NLRP5: variants seen among roughly 807,000 people sequenced by gnomAD.
NLRP5 encodes NLR family pyrin domain containing 5, also known as NACHT, LRR and PYD domains-containing protein 5.
Under a neutral mutation model 113.1 loss-of-function variants are expected in NLRP5, and 93 were observed. The observed-to-expected ratio is 0.82, with a 90% CI of 0.70 to 0.98. The LOEUF is 0.98. Among genes scored for constraint, NLRP5 ranks in the 50% least tolerant of loss-of-function variants. The pLI is 0.00. For missense variants in NLRP5, 1,808 were observed against 1,514.3 expected (o/e 1.19, Z -3.22); for synonymous variants, 751 against 600.7 (o/e 1.25, Z -3.66).
chr19:56,010,502 T>A (rs537173972), intron 3 of NLRP5, among the ~76,000 whole-genome samples: 1 of 151,922 alleles, frequency 6.6e-6, no homozygotes, highest in South Asian at 2.1e-4. Flanking sequence ...CCCAGCACTT[T>A]GGGAGGCCGA....
intron 9 of NLRP5, among the ~76,000 whole-genome samples, chr19:56,035,452 A>G (rs1302041033): frequency 6.6e-6 from 1 of 152,202 alleles, no homozygotes; most frequent in Non-Finnish European, 1.5e-5. Flanking sequence ...AGATGGAGGA[A>G]GCTGCATGCT....
chr19:56,036,371 TTC>T (rs1983317387), intron 9 of NLRP5, among the ~76,000 whole-genome samples: 1 of 151,924 alleles, frequency 6.6e-6, no homozygotes, highest in Admixed American at 6.6e-5. Context: ...CTGGCTGAGA[TTC>T]TTTCATTCAA....
upstream of NLRP5, among the ~76,000 whole-genome samples, chr19:55,997,572 C>T (rs566733383): frequency 4.6e-5 from 7 of 152,260 alleles, no homozygotes; most frequent in Admixed American, 3.9e-4. Context: ...TGGCTCATAC[C>T]TGTAATCCCA....
chr19:56,010,732 A>C lies in NLRP5; in HGVS notation c.508+1879A>C, dbSNP rs1236231944. Reference sequence around the variant, plus strand: ...ACTCCAGCCTGGGAAACAAGAGCTTAACTCTGTCTCAAAAAAAAAAAAAGT... The same window carrying C: ...ACTCCAGCCTGGGAAACAAGAGCTTCACTCTGTCTCAAAAAAAAAAAAAGT... On this transcript the variant is annotated intron_variant, in intron 3 of 14. Transcript: ENST00000390649. 2.2e-5 allele frequency among the ~76,000 whole-genome samples: 3 copies of C among 134,690 alleles called. 1 individual carries two copies. Among genetic ancestry groups the C allele is most frequent in the African/African-American group, 8.2e-5 (3 of 36,456 alleles). The allele number at this position is 134,690 out of a possible 152,430, so 88.4% of individuals were successfully genotyped here.
At position 56,009,404 on chromosome 19, in the gene NLRP5, A is replaced by G. The variant is rs371672897; in HGVS notation, c.508+551A>G. Among the ~76,000 whole-genome samples, 5 of 149,626 alleles carry G rather than the reference A, an allele frequency of 3.3e-5. 1 individual carries two copies. In the East Asian group the frequency reaches 5.9e-4, roughly 18 times the overall value. On this transcript the variant is annotated intron_variant, in intron 3 of 14. Coordinates refer to ENST00000390649, the MANE Select transcript of NLRP5 (RefSeq NM_153447.4). ...CTTTCTTACAACTTGAGGACTTCCC[A>G]TCGTCTTCAGTTTGGGTAACCTTAT...
rs770624516 is a variant in NLRP5 at position 56,030,714 on chromosome 19, C to CTTTTTTTTTTTTTT, written c.2277-1892_2277-1879dup. Among the ~76,000 whole-genome samples, 367 of 71,300 alleles carry CTTTTTTTTTTTTTT rather than the reference C, an allele frequency of 5.1e-3. 65 individuals carry two copies. The highest frequency in any genetic ancestry group is 0.013 in the African/African-American group (188 of 13,952). 46.8% of individuals were successfully genotyped at this position (71,300 alleles called of 152,430 possible). A position where few individuals can be genotyped will look rare whatever the true frequency, so the allele number is the denominator to read the frequency against. Reference sequence around the variant, plus strand: ...ACTTACATTCATTCGCTTTCTTCTTCTTTTTTTTTTTTTTTTTTGAGACGG... The same window carrying CTTTTTTTTTTTTTT: ...ACTTACATTCATTCGCTTTCTTCTTCTTTTTTTTTTTTTTTTTTTTTTTTTTTTTTTTGAGACGG... On this transcript the variant is annotated intron_variant, in intron 7 of 14. Transcript: ENST00000390649.
Position 56,030,714 on chromosome 19 carries a change from C to CTTTTTTTT in NLRP5, c.2277-1886_2277-1879dup, listed in dbSNP as rs770624516. Among the ~76,000 whole-genome samples, 284 of 71,282 alleles carry CTTTTTTTT rather than the reference C, an allele frequency of 4.0e-3. 35 individuals carry two copies. Among genetic ancestry groups the CTTTTTTTT allele is most frequent in the African/African-American group, 6.5e-3 (90 of 13,934 alleles). The allele number at this position is 71,282 out of a possible 152,430, so 46.8% of individuals were successfully genotyped here. ...ACTTACATTCATTCGCTTTCTTCTT[C>CTTTTTTTT]TTTTTTTTTTTTTTTTTTGAGACGG... On this transcript the variant is annotated intron_variant, in intron 7 of 14. Coordinates refer to ENST00000390649, the MANE Select transcript of NLRP5 (RefSeq NM_153447.4).
chr19:56,038,668 C>T (rs1983408083), intron 10 of NLRP5, among the ~76,000 whole-genome samples: 1 of 152,116 alleles, frequency 6.6e-6, no homozygotes, highest in African/African-American at 2.4e-5. Context: ...GGAGGAGGGT[C>T]ACCCAAAATC....
chr19:56,033,754 C>G, intron 9 of NLRP5, 45 bp downstream of exon 9: 1 of 1,521,848 alleles, frequency 6.6e-7, no homozygotes, highest in Non-Finnish European at 8.9e-7. Context: ...TTCGTTTTTA[C>G]TTGTGTTTGA....
At chr19:56,003,013 G>A (rs187761991) in intron 1 of NLRP5, among the ~76,000 whole-genome samples, 66 of 150,204 alleles carry the variant, frequency 4.4e-4, no homozygotes, top group Non-Finnish European at 7.8e-4. Flanking sequence ...TGGTGGGACC[G>A]TAAACTAGTT....
intron 12 of NLRP5, 41 bp downstream of exon 12, chr19:56,050,629 G>A (rs368899205): frequency 1.9e-6 from 3 of 1,575,766 alleles, no homozygotes; most frequent in Non-Finnish European, 2.6e-6. Flanking sequence ...TATCATACTG[G>A]GGTCTGGAGT....
intron 3 of NLRP5, among the ~76,000 whole-genome samples, chr19:56,010,583 A>G (rs1982142868): frequency 7.6e-6 from 1 of 131,790 alleles, no homozygotes; most frequent in African/African-American, 2.8e-5. Context: ...CATGTCTACT[A>G]AAAATACAGG....
chr19:55,990,042 C>T, the NLRP5 span, among the ~76,000 whole-genome samples: 1 of 141,402 alleles, frequency 7.1e-6, no homozygotes, highest in Non-Finnish European at 1.6e-5. Flanking sequence ...TTTTAAAGTA[C>T]ATTTAAAAGT....
intron 3 of NLRP5, among the ~76,000 whole-genome samples, chr19:56,014,402 C>T (rs1178887243): frequency 6.6e-6 from 1 of 151,398 alleles, no homozygotes; most frequent in Non-Finnish European, 1.5e-5. Context: ...ATCGCTTGAA[C>T]CCAGGAGGTG....
chr19:56,033,000 C>T (rs1983181497), intron 8 of NLRP5, among the ~76,000 whole-genome samples: 1 of 152,050 alleles, frequency 6.6e-6, no homozygotes, highest in Non-Finnish European at 1.5e-5. Context: ...AATCCCAGCA[C>T]TTTGGGAGGC....
At chr19:56,051,862 G>C (rs994883208) in intron 12 of NLRP5, among the ~76,000 whole-genome samples, 1 of 152,140 alleles carries the variant, frequency 6.6e-6, no homozygotes, top group African/African-American at 2.4e-5. Context: ...GACCACAAGT[G>C]GGGTATCATT....
At chr19:56,058,804 C>T (rs558655453) in intron 14 of NLRP5, among the ~76,000 whole-genome samples, 48 of 152,098 alleles carry the variant, frequency 3.2e-4, no homozygotes, top group Non-Finnish European at 6.2e-4. Context: ...CAATAATAGC[C>T]AAGAGGTGGA....
chr19:56,009,158 G>A (rs1982075875), intron 3 of NLRP5, among the ~76,000 whole-genome samples: 1 of 151,646 alleles, frequency 6.6e-6, no homozygotes, highest in Non-Finnish European at 1.5e-5. Flanking sequence ...GGCCAACATG[G>A]TGAAACGTCG....
the NLRP5 span, among the ~76,000 whole-genome samples, chr19:55,986,980 AC>A: frequency 6.6e-6 from 1 of 152,018 alleles, no homozygotes; most frequent in Non-Finnish European, 1.5e-5. Context: ...AAGTCCAGTT[AC>A]CCCATTTTGC....
Sources: gnomAD v4.1 joint callset for allele counts (sites outside exome capture counted in the v4.1 genomes callset) on GRCh38, gnomAD v4.1.1 for gene constraint, MANE v1.5 for transcripts, NCBI Gene and HGNC (gene_info 2026-07-23, HGNC 2026-07-21) for gene names.